Variants in DNAH5 observed in about 807,000 individuals in gnomAD.
DNAH5 encodes dynein axonemal heavy chain 5, also known as axonemal beta dynein heavy chain 5.
Under a neutral mutation model 518.2 loss-of-function variants are expected in DNAH5, and 372 were observed. The ratio of observed to expected loss-of-function variants is 0.72; its 90% confidence interval spans 0.66 to 0.78. DNAH5 has a LOEUF of 0.78. Among genes scored for constraint, DNAH5 ranks in the 30% least tolerant of loss-of-function variants. The pLI is 0.00. For synonymous variants in DNAH5, 2,039 were observed against 2,025.9 expected, an observed-to-expected ratio of 1.01 and a Z score of -0.17; for missense variants, 5,523 against 5,687.0, an observed-to-expected ratio of 0.97 and a Z score of 0.93.
At chr5:13,824,149 A>G (rs770823982) in intron 39 of DNAH5, 50 bp downstream of exon 39, 1 of 1,583,742 alleles carries the variant, frequency 6.3e-7, no homozygotes, top group South Asian at 1.1e-5. Flanking sequence ...ATGGGCAGTT[A>G]GTTTAACTGA....
chr5:14,002,823 C>A (rs562590612), intron 1 of DNAH5, among the ~76,000 whole-genome samples: 1 of 151,672 alleles, frequency 6.6e-6, no homozygotes. Context: ...AATGTACTTA[C>A]TTTTTATTAA....
At chr5:13,742,732 C>G (rs1162301095) in intron 65 of DNAH5, among the ~76,000 whole-genome samples, 1 of 151,832 alleles carries the variant, frequency 6.6e-6, no homozygotes, top group East Asian at 1.9e-4. Context: ...CCTATATTCC[C>G]AAAGGATTAA....
At chr5:13,838,005 A>AT (rs1415598245) in intron 35 of DNAH5, among the ~76,000 whole-genome samples, 1 of 151,830 alleles carries the variant, frequency 6.6e-6, no homozygotes, top group African/African-American at 2.4e-5. Flanking sequence ...TGCCCAGTCC[A>AT]TTTTTTTAAT....
Position 13,990,926 on chromosome 5 carries a change from C to A in DNAH5, c.12+20722G>T, listed in dbSNP as rs377482489. Among the ~76,000 whole-genome samples the A allele has an allele frequency of 1.4e-4, 21 of 152,216 alleles. No individual in the cohort carries two copies. The South Asian group carries it at 4.4e-3, about 32-fold the overall frequency. On this transcript the variant is annotated intron_variant, in intron 1 of 78. Transcript: ENST00000681290. Reference sequence around the variant, plus strand: ...AAAAAGATAACATTGAAATATTTAACCCTAAATAAATTAACTGCACAGAGC... The same window carrying A: ...AAAAAGATAACATTGAAATATTTAAACCTAAATAAATTAACTGCACAGAGC...
At chr5:13,792,313 T>C in intron 49 of DNAH5, 96 bp from the exon 50 acceptor site, 1 of 983,966 alleles carries the variant, frequency 1.0e-6, no homozygotes, top group Non-Finnish European at 1.6e-6. Flanking sequence ...AAAATGTCAT[T>C]ATACATTTTA....
At chr5:13,898,423 T>C in intron 15 of DNAH5, 1 of 397,418 alleles carries the variant, frequency 2.5e-6, no homozygotes, top group Admixed American at 4.4e-5. Flanking sequence ...TGTGAAAGAG[T>C]CTAAAAGGGA....
chr5:13,920,896 A>G (rs1777181569), intron 5 of DNAH5, among the ~76,000 whole-genome samples: 1 of 152,124 alleles, frequency 6.6e-6, no homozygotes, highest in South Asian at 2.1e-4. Context: ...CTGGGGACCC[A>G]TCCCATTTTG....
chr5:13,866,840 T>A (rs1207611533), intron 25 of DNAH5, among the ~76,000 whole-genome samples: 2 of 152,232 alleles, frequency 1.3e-5, no homozygotes, highest in Non-Finnish European at 2.9e-5. Context: ...AAACTCTATA[T>A]ATTTCCCTTC....
At chr5:13,867,444 GC>G (rs1769417971) in intron 25 of DNAH5, among the ~76,000 whole-genome samples, 1 of 152,084 alleles carries the variant, frequency 6.6e-6, no homozygotes. Context: ...TGAAGAAGGT[GC>G]CTTGCTTCCC....
Position 13,721,100 on chromosome 5 carries a change from A to G in DNAH5, c.12179T>C (p.Ile4060Thr), listed in dbSNP as rs774876738. 12 of 1,614,008 alleles carry G rather than the reference A, an allele frequency of 7.4e-6. No individual in the cohort carries two copies. Among genetic ancestry groups the G allele is most frequent in the Admixed American group, 6.7e-5 (4 of 60,002 alleles). Residue 4060 changes from isoleucine (I) to threonine (T), a missense_variant, in exon 71 of 79, where the codon ATT (isoleucine) becomes ACT (threonine). Transcript: ENST00000265104. ...TATTTTTAATCTCTTCCCCAAGGCAATGATGGAATCTGTGGGGTCTGAGCC... is the reference window on the plus strand; with the variant it reads ...TATTTTTAATCTCTTCCCCAAGGCAGTGATGGAATCTGTGGGGTCTGAGCC... Reference protein sequence around the residue: ...SMGSDPTDSIIALGKRLKIET... With the variant: ...SMGSDPTDSITALGKRLKIET...
chr5:13,973,952 C>A (rs1782052454), intron 1 of DNAH5, among the ~76,000 whole-genome samples: 1 of 152,008 alleles, frequency 6.6e-6, no homozygotes. Flanking sequence ...TACATGTGGC[C>A]AAGGATAATT....
chr5:13,966,863 T>G (rs946255922), intron 1 of DNAH5, among the ~76,000 whole-genome samples: 3 of 152,166 alleles, frequency 2.0e-5, no homozygotes, highest in Non-Finnish European at 4.4e-5. Flanking sequence ...TGTTTTTTGC[T>G]TTTTGCTTTT....
chr5:13,733,852 T>C (rs953375002), intron 68 of DNAH5, among the ~76,000 whole-genome samples: 4 of 152,138 alleles, frequency 2.6e-5, no homozygotes, highest in Admixed American at 1.3e-4. Flanking sequence ...CTTCAAGTTC[T>C]CCTACAAACC....
At chr5:13,728,159 G>A (rs1184484023) in intron 69 of DNAH5, among the ~76,000 whole-genome samples, 8 of 152,038 alleles carry the variant, frequency 5.3e-5, no homozygotes, top group African/African-American at 9.7e-5. Context: ...TTGGAAATAC[G>A]CCAGTTAATA....
intron 43 of DNAH5, among the ~76,000 whole-genome samples, chr5:13,813,947 A>T (rs1761070493): frequency 1.3e-5 from 2 of 152,198 alleles, no homozygotes; most frequent in Non-Finnish European, 2.9e-5. Flanking sequence ...TATGTAAAAC[A>T]AGATTTTTCA....
intron 1 of DNAH5, among the ~76,000 whole-genome samples, chr5:13,981,245 A>G (rs1782653992): frequency 1.3e-5 from 2 of 152,298 alleles, no homozygotes; most frequent in South Asian, 4.2e-4. Context: ...TTGAGTGAAA[A>G]TCCAGATGAT....
intron 15 of DNAH5, chr5:13,898,212 T>C (rs1251535789): frequency 5.2e-6 from 1 of 191,222 alleles, no homozygotes; most frequent in East Asian, 1.3e-4. Context: ...TCTTTACCCA[T>C]AAAGTCATGA....
chr5:13,706,951 A>G (rs888726260), intron 76 of DNAH5, among the ~76,000 whole-genome samples: 8 of 152,196 alleles, frequency 5.3e-5, no homozygotes, highest in Non-Finnish European at 1.0e-4. Flanking sequence ...AGACCTACCT[A>G]AGTGAGAACA....
chr5:13,754,408 T>C, intron 61 of DNAH5, 70 bp from the exon 62 acceptor site: 1 of 1,554,798 alleles, frequency 6.4e-7, no homozygotes, highest in East Asian at 2.2e-5. Context: ...AAAATATAAT[T>C]GTAGAACACG....
Sources: allele counts gnomAD v4.1 joint callset (sites outside exome capture counted in the v4.1 genomes callset), GRCh38; gene constraint gnomAD v4.1.1; transcripts MANE v1.5; gene names NCBI Gene and HGNC (gene_info 2026-07-23, HGNC 2026-07-21).